Variants in SLC22A15 observed in about 807,000 individuals in gnomAD.
The protein encoded by SLC22A15 is flipt 1.
SLC22A15 carries 45 observed loss-of-function variants against 62.7 expected under a neutral mutation model. The ratio of observed to expected loss-of-function variants is 0.72; its 90% CI spans 0.56 to 0.92. The LOEUF is 0.92. Ranked by LOEUF, SLC22A15 falls within the 40% of genes least tolerant of loss-of-function variation. SLC22A15 has a pLI of 0.00. For synonymous variants in SLC22A15, 264 were observed against 267.0 expected, an observed-to-expected ratio of 0.99 and a Z score of 0.11; for missense variants, 622 against 665.6, an observed-to-expected ratio of 0.93 and a Z score of 0.72.
intron 1 of SLC22A15, among the ~76,000 whole-genome samples, chr1:115,980,335 G>A (rs1281690): frequency 0.077 from 11,716 of 152,016 alleles, 558 homozygotes; most frequent in Admixed American, 0.12. Flanking sequence ...GAACTCCTAG[G>A]TACACATCCC....
At chr1:116,008,818 A>G (rs1372123605) in intron 2 of SLC22A15, among the ~76,000 whole-genome samples, 1 of 152,156 alleles carries the variant, frequency 6.6e-6, no homozygotes, top group Non-Finnish European at 1.5e-5. Context: ...CCACTGTGGC[A>G]TGGGCCCAGC....
At chr1:116,032,242 C>T (rs1570754112) in intron 6 of SLC22A15, 4 of 985,320 alleles carry the variant, frequency 4.1e-6, no homozygotes, top group African/African-American at 1.7e-5. Context: ...TTGCATTCAG[C>T]GGTTCAAGAT....
intron 2 of SLC22A15, among the ~76,000 whole-genome samples, chr1:116,006,278 G>A (rs182121659): frequency 5.3e-5 from 8 of 152,144 alleles, no homozygotes; most frequent in Middle Eastern, 6.8e-3. Context: ...AGGACAACAG[G>A]GATGAGGCAC....
chr1:116,053,776 A>C (rs948978578), intron 8 of SLC22A15, among the ~76,000 whole-genome samples: 28 of 152,168 alleles, frequency 1.8e-4, no homozygotes, highest in African/African-American at 6.5e-4. Flanking sequence ...AAGAATTTTC[A>C]ACCCAGAATT....
At chr1:116,026,771 C>A in intron 4 of SLC22A15, 122 bp from the exon 5 acceptor site, 1 of 1,151,444 alleles carries the variant, frequency 8.7e-7, no homozygotes. Context: ...TGGTGTGCCT[C>A]TTATAGTTGC....
chr1:116,029,822 A>T (rs956603969), intron 5 of SLC22A15, among the ~76,000 whole-genome samples: 1 of 152,178 alleles, frequency 6.6e-6, no homozygotes, highest in East Asian at 1.9e-4. Context: ...ATGACTGTGA[A>T]TATTTTGGCG....
At chr1:115,996,891 T>C (rs1655455228) in intron 2 of SLC22A15, among the ~76,000 whole-genome samples, 1 of 152,116 alleles carries the variant, frequency 6.6e-6, no homozygotes, top group African/African-American at 2.4e-5. Flanking sequence ...TTGACGATTC[T>C]TTGGGATTTT....
intron 2 of SLC22A15, among the ~76,000 whole-genome samples, chr1:115,998,095 C>T (rs1159321949): frequency 6.6e-6 from 1 of 152,094 alleles, no homozygotes; most frequent in Non-Finnish European, 1.5e-5. Context: ...CATCAATTTA[C>T]ATATGTTGAA....
intron 5 of SLC22A15, among the ~76,000 whole-genome samples, chr1:116,029,767 C>G (rs1441933517): frequency 6.6e-6 from 1 of 152,120 alleles, no homozygotes; most frequent in African/African-American, 2.4e-5. Flanking sequence ...TTTGAAAACA[C>G]AGAGAGGCTA....
intron 5 of SLC22A15, among the ~76,000 whole-genome samples, chr1:116,030,961 A>T (rs1200671524): frequency 1.3e-5 from 2 of 152,118 alleles, no homozygotes; most frequent in Non-Finnish European, 2.9e-5. Context: ...CATTGTCTCT[A>T]CAGTATTTTC....
intron 2 of SLC22A15, among the ~76,000 whole-genome samples, chr1:116,007,082 T>C (rs1354703363): frequency 6.6e-6 from 1 of 152,224 alleles, no homozygotes; most frequent in African/African-American, 2.4e-5. Flanking sequence ...CTTCCCATGA[T>C]ATAGAGGTAC....
At chr1:116,026,291 C>T (rs925809332) in intron 4 of SLC22A15, among the ~76,000 whole-genome samples, 3 of 151,266 alleles carry the variant, frequency 2.0e-5, no homozygotes, top group Admixed American at 6.6e-5. Context: ...TGGTGGCGGG[C>T]GCCTGTAATC....
At chr1:116,025,692 G>A (rs527699798) in intron 4 of SLC22A15, among the ~76,000 whole-genome samples, 78 of 152,298 alleles carry the variant, frequency 5.1e-4, no homozygotes, top group African/African-American at 1.8e-3. Flanking sequence ...TTACAGCTCT[G>A]TGTCCTTAGG....
Position 116,066,016 on chromosome 1 carries a change from A to G in SLC22A15, c.1366-504A>G, listed in dbSNP as rs1300856722. On this transcript the variant is annotated intron_variant, in intron 10 of 11. Transcript: ENST00000369503. ...TATGTCGTAGGGTTGGTTTTTTAAA[A>G]GAGTTTTTACACCTTTAATCCCTGG... Among the ~76,000 whole-genome samples, 2 of 152,186 alleles carry G rather than the reference A, an allele frequency of 1.3e-5. 1 individual carries two copies. The highest frequency in any genetic ancestry group is 2.9e-5 in the Non-Finnish European group (2 of 68,038).
At chr1:116,001,859 G>A (rs1399190900) in intron 2 of SLC22A15, among the ~76,000 whole-genome samples, 1 of 152,094 alleles carries the variant, frequency 6.6e-6, no homozygotes, top group East Asian at 1.9e-4. Context: ...TGTTTGATGA[G>A]ATCATGTCTT....
intron 1 of SLC22A15, among the ~76,000 whole-genome samples, chr1:115,983,675 T>C (rs575021293): frequency 1.3e-5 from 2 of 152,314 alleles, no homozygotes; most frequent in African/African-American, 4.8e-5. Context: ...TCATTCTCCC[T>C]GCCTCCAACC....
chr1:116,002,010 G>A (rs930472604), intron 2 of SLC22A15, among the ~76,000 whole-genome samples: 1 of 152,168 alleles, frequency 6.6e-6, no homozygotes, highest in Non-Finnish European at 1.5e-5. Flanking sequence ...AACTAATTGA[G>A]TGTTATGATC....
intron 8 of SLC22A15, among the ~76,000 whole-genome samples, chr1:116,046,978 C>T (rs1286860422): frequency 6.6e-6 from 1 of 152,112 alleles, no homozygotes; most frequent in Non-Finnish European, 1.5e-5. Context: ...ACAGCCTTCC[C>T]TCCCCACCCT....
intron 8 of SLC22A15, among the ~76,000 whole-genome samples, chr1:116,058,604 T>C (rs1247805631): frequency 2.0e-5 from 3 of 152,148 alleles, no homozygotes; most frequent in African/African-American, 7.2e-5. Flanking sequence ...GATCCAGCAA[T>C]CCCACTACTG....
Sources: allele counts gnomAD v4.1 joint callset (sites outside exome capture counted in the v4.1 genomes callset), GRCh38; gene constraint gnomAD v4.1.1; transcripts MANE v1.5; gene names NCBI Gene and HGNC (gene_info 2026-07-23, HGNC 2026-07-21).